CPED1: variants seen among roughly 807,000 people sequenced by gnomAD.
The protein encoded by CPED1 is cadherin like and PC-esterase domain containing 1, also known as cadherin-like and PC-esterase domain-containing protein 1.
CPED1 carries 114 observed loss-of-function variants against 128.2 expected under a neutral mutation model. The observed-to-expected ratio is 0.89, with a 90% CI of 0.76 to 1.04. The LOEUF (loss-of-function observed/expected upper bound fraction) is 1.04, where lower values mean the gene tolerates loss of function less well. Ranked by LOEUF, CPED1 falls within the 50% of genes least tolerant of loss-of-function variation. CPED1 has a pLI of 0.00. For missense variants in CPED1, 1,211 were observed against 1,207.1 expected (o/e 1.00, Z -0.05); for synonymous variants, 462 against 426.7 (o/e 1.08, Z -1.02).
chr7:121,092,518 T>C (rs1000335809), intron 5 of CPED1, among the ~76,000 whole-genome samples: 1 of 152,210 alleles, frequency 6.6e-6, no homozygotes, highest in African/African-American at 2.4e-5. Context: ...ATGGAGCTTA[T>C]AGTCTAGTGA....
At chr7:121,001,381 T>C (rs1791852368) in intron 2 of CPED1, among the ~76,000 whole-genome samples, 1 of 152,144 alleles carries the variant, frequency 6.6e-6, no homozygotes, top group South Asian at 2.1e-4. Flanking sequence ...TCACAGCTGA[T>C]CTTGACAAAT....
At chr7:121,253,935 C>A (rs1268682437) in intron 18 of CPED1, among the ~76,000 whole-genome samples, 1 of 151,900 alleles carries the variant, frequency 6.6e-6, no homozygotes, top group Non-Finnish European at 1.5e-5. Context: ...TCTTGTTGGC[C>A]TATGAACAGA....
intron 16 of CPED1, among the ~76,000 whole-genome samples, chr7:121,185,473 A>G (rs1233387584): frequency 6.6e-6 from 1 of 152,186 alleles, no homozygotes; most frequent in Non-Finnish European, 1.5e-5. Context: ...GATAGGATAA[A>G]TAAATGCACA....
At chr7:121,124,494 TAAAAA>T (rs763384936) in intron 8 of CPED1, 21 bp downstream of exon 8, 18 of 1,184,894 alleles carry the variant, frequency 1.5e-5, no homozygotes, top group South Asian at 3.7e-5. Context: ...AATTTTAATT[TAAAAA>T]AAAAAGAAAA....
At chr7:121,168,710 T>C (rs1446756691) in intron 16 of CPED1, among the ~76,000 whole-genome samples, 1 of 152,158 alleles carries the variant, frequency 6.6e-6, no homozygotes, top group African/African-American at 2.4e-5. Context: ...CCATTAACCA[T>C]CCCCCACCTC....
At chr7:121,100,667 G>A (rs999284774) in intron 7 of CPED1, among the ~76,000 whole-genome samples, 1 of 152,146 alleles carries the variant, frequency 6.6e-6, no homozygotes, top group Non-Finnish European at 1.5e-5. Context: ...CAACTTGGCT[G>A]AAAATGAGAT....
At chr7:121,052,428 C>T (rs985827200) in intron 4 of CPED1, among the ~76,000 whole-genome samples, 7 of 152,146 alleles carry the variant, frequency 4.6e-5, no homozygotes, top group South Asian at 4.1e-4. Flanking sequence ...CAACCCTTTG[C>T]GCCATCACTC....
chr7:121,026,426 A>G (rs559944858), intron 3 of CPED1, among the ~76,000 whole-genome samples: 97 of 152,230 alleles, frequency 6.4e-4, no homozygotes, highest in African/African-American at 2.3e-3. Context: ...AGTGGCTATT[A>G]AACACTCCCC....
At chr7:121,211,289 A>G (rs551281788) in intron 16 of CPED1, among the ~76,000 whole-genome samples, 120 of 152,194 alleles carry the variant, frequency 7.9e-4, no homozygotes, top group Non-Finnish European at 1.6e-3. Flanking sequence ...CACATTTCCA[A>G]TTAAAAGGAA....
At chr7:121,075,898 C>G (rs1794112870) in intron 5 of CPED1, among the ~76,000 whole-genome samples, 1 of 152,000 alleles carries the variant, frequency 6.6e-6, no homozygotes, top group Non-Finnish European at 1.5e-5. Flanking sequence ...CAAAATTTTT[C>G]CCAATATATT....
intron 18 of CPED1, among the ~76,000 whole-genome samples, chr7:121,255,177 C>G (rs961389275): frequency 6.6e-6 from 1 of 151,888 alleles, no homozygotes; most frequent in Non-Finnish European, 1.5e-5. Context: ...ACTAGCAAAC[C>G]GAATTCAGCA....
intron 16 of CPED1, among the ~76,000 whole-genome samples, chr7:121,228,441 T>TA (rs34312237): frequency 0.37 from 56,516 of 151,454 alleles, 10,889 homozygotes; most frequent in Middle Eastern, 0.5. Context: ...AGTGAGATAT[T>TA]ACCTAACTCC....
chr7:121,091,835 TATA>T (rs1192658628), intron 5 of CPED1, among the ~76,000 whole-genome samples: 15 of 152,206 alleles, frequency 9.9e-5, no homozygotes, highest in Non-Finnish European at 2.1e-4. Flanking sequence ...AAATGTTATT[TATA>T]ATATTATTTG....
At position 121,288,685 on chromosome 7, in the gene CPED1, A is replaced by G. The variant is rs559647011; in HGVS notation, c.2869-6755A>G. On this transcript the variant is annotated intron_variant, in intron 22 of 22. Transcript: ENST00000310396. ...ATGCAACTTTAAATTCAACCCTAAA[A>G]TCACACAAATATTAAAATAATGTTT... 3.3e-4 allele frequency among the ~76,000 whole-genome samples: 51 copies of G among 152,314 alleles called. No individual in the cohort carries two copies. The South Asian group carries it at 9.5e-3, about 28-fold the overall frequency.
intron 3 of CPED1, among the ~76,000 whole-genome samples, chr7:121,018,440 G>A (rs149331525): frequency 6.6e-6 from 1 of 152,114 alleles, no homozygotes; most frequent in Admixed American, 6.6e-5. Flanking sequence ...GCAGCCTGGG[G>A]GAAGAGGAAA....
chr7:120,991,230 C>G (rs1311264951), intron 2 of CPED1, among the ~76,000 whole-genome samples: 1 of 152,140 alleles, frequency 6.6e-6, no homozygotes, highest in Non-Finnish European at 1.5e-5. Flanking sequence ...ACATCCTGAC[C>G]AAGAACTATC....
intron 12 of CPED1, among the ~76,000 whole-genome samples, chr7:121,133,444 C>T (rs369636922): frequency 6.6e-6 from 1 of 152,198 alleles, no homozygotes; most frequent in East Asian, 1.9e-4. Flanking sequence ...ATGTTCTTCT[C>T]AGGCTGTGCC....
At chr7:121,079,555 C>T (rs1009204633) in intron 5 of CPED1, among the ~76,000 whole-genome samples, 4 of 152,198 alleles carry the variant, frequency 2.6e-5, no homozygotes, top group Non-Finnish European at 5.9e-5. Context: ...AAAGATAGAC[C>T]AGGCTCACTT....
chr7:121,021,824 A>C (rs2116831506), intron 3 of CPED1, among the ~76,000 whole-genome samples: 1 of 152,142 alleles, frequency 6.6e-6, no homozygotes, highest in South Asian at 2.1e-4. Context: ...GCTGTCAAGA[A>C]GTAGTTACAG....
Sources: allele counts gnomAD v4.1 joint callset (sites outside exome capture counted in the v4.1 genomes callset), GRCh38; gene constraint gnomAD v4.1.1; transcripts MANE v1.5; gene names NCBI Gene and HGNC (gene_info 2026-07-23, HGNC 2026-07-21).